The following PTPRT variants were observed in gnomAD, a reference collection of about 807,000 sequenced individuals.
PTPRT encodes the protein receptor-type tyrosine-protein phosphatase T.
In PTPRT, 56 loss-of-function variants were observed where a neutral mutation model predicts 176.8. The ratio of observed to expected loss-of-function variants is 0.32; its 90% CI spans 0.26 to 0.40. PTPRT has a LOEUF of 0.40. Among genes scored for constraint, PTPRT ranks in the 10% least tolerant of loss-of-function variants. The pLI is 1.00. For missense variants in PTPRT, 1,540 were observed against 1,908.2 expected, an observed-to-expected ratio of 0.81 and a Z score of 3.60; for synonymous variants, 783 against 739.0, an observed-to-expected ratio of 1.06 and a Z score of -0.96.
At chr20:42,700,952 G>C (rs2075965440) in intron 6 of PTPRT, among the ~76,000 whole-genome samples, 1 of 152,212 alleles carries the variant, frequency 6.6e-6, no homozygotes, top group Non-Finnish European at 1.5e-5. Flanking sequence ...GCCAGGCAGA[G>C]CCAGTGGGGG....
chr20:42,769,869 C>A (rs1409395446), intron 5 of PTPRT, among the ~76,000 whole-genome samples: 1 of 152,194 alleles, frequency 6.6e-6, no homozygotes, highest in East Asian at 1.9e-4. Context: ...AGGGTACATA[C>A]CGCATGCTTC....
chr20:42,287,197 A>C (rs957778832), intron 12 of PTPRT, among the ~76,000 whole-genome samples: 1 of 151,914 alleles, frequency 6.6e-6, no homozygotes, highest in Non-Finnish European at 1.5e-5. Context: ...AAAAACTATA[A>C]ATAGAACTAT....
chr20:42,880,586 T>C (rs1413665940), intron 2 of PTPRT, among the ~76,000 whole-genome samples: 1 of 152,126 alleles, frequency 6.6e-6, no homozygotes, highest in Admixed American at 6.5e-5. Flanking sequence ...TGGGCTGTAA[T>C]TCAGGGCTGT....
chr20:43,073,268 A>G (rs2011205137), intron 1 of PTPRT, among the ~76,000 whole-genome samples: 1 of 152,162 alleles, frequency 6.6e-6, no homozygotes, highest in African/African-American at 2.4e-5. Context: ...ATTGTAGATC[A>G]CATTCTGTGT....
intron 1 of PTPRT, among the ~76,000 whole-genome samples, chr20:43,129,046 G>A (rs2013553666): frequency 6.6e-6 from 1 of 152,176 alleles, no homozygotes; most frequent in Non-Finnish European, 1.5e-5. Context: ...TCCTGCATGA[G>A]GGTCCTGCTT....
intron 7 of PTPRT, among the ~76,000 whole-genome samples, chr20:42,572,624 C>A (rs1269756319): frequency 2.0e-5 from 3 of 152,230 alleles, no homozygotes; most frequent in Non-Finnish European, 2.9e-5. Flanking sequence ...AGGTCCACTT[C>A]TCATGCATTC....
At chr20:42,833,028 T>G (rs2078118977) in intron 2 of PTPRT, among the ~76,000 whole-genome samples, 1 of 151,772 alleles carries the variant, frequency 6.6e-6, no homozygotes, top group African/African-American at 2.4e-5. Context: ...AGGCAGAGGT[T>G]GCAGTCAGCC....
intron 1 of PTPRT, among the ~76,000 whole-genome samples, chr20:43,158,781 TAGA>T (rs893002603): frequency 2.0e-5 from 3 of 152,170 alleles, no homozygotes; most frequent in Admixed American, 6.5e-5. Context: ...TCAGAAAATC[TAGA>T]AGAAGAATCT....
At chr20:42,549,961 A>G (rs760239879) in intron 7 of PTPRT, among the ~76,000 whole-genome samples, 5 of 152,126 alleles carry the variant, frequency 3.3e-5, no homozygotes, top group Non-Finnish European at 7.4e-5. Flanking sequence ...CAAAGACCAG[A>G]CTGTTTGTTT....
At chr20:43,039,810 G>A (rs965329948) in intron 1 of PTPRT, among the ~76,000 whole-genome samples, 5 of 152,162 alleles carry the variant, frequency 3.3e-5, no homozygotes, top group Non-Finnish European at 5.9e-5. Flanking sequence ...GTAGGCTAAG[G>A]TGGGCAGATC....
intron 1 of PTPRT, chr20:42,971,458 T>C (rs1398969641): frequency 1.3e-5 from 2 of 152,178 alleles, no homozygotes; most frequent in East Asian, 3.8e-4. Flanking sequence ...AGCTTCCTAC[T>C]TTACTTGGAA....
chr20:42,454,278 T>C (rs1233311753), intron 8 of PTPRT, among the ~76,000 whole-genome samples: 1 of 152,192 alleles, frequency 6.6e-6, no homozygotes, highest in Admixed American at 6.5e-5. Flanking sequence ...AGGTAGGGTT[T>C]CTTACAATAT....
intron 6 of PTPRT, among the ~76,000 whole-genome samples, chr20:42,728,593 C>T (rs1219771849): frequency 6.6e-6 from 1 of 152,122 alleles, no homozygotes; most frequent in Non-Finnish European, 1.5e-5. Context: ...TACAGTATCT[C>T]ATTTAATCCT....
intron 3 of PTPRT, among the ~76,000 whole-genome samples, chr20:42,788,902 A>C (rs1242957231): frequency 6.6e-6 from 1 of 152,232 alleles, no homozygotes; most frequent in Non-Finnish European, 1.5e-5. Flanking sequence ...CAAGTGGTTA[A>C]GAATTATGAT....
intron 11 of PTPRT, among the ~76,000 whole-genome samples, chr20:42,317,386 G>A (rs1055650860): frequency 2.0e-5 from 3 of 152,090 alleles, no homozygotes; most frequent in African/African-American, 7.2e-5. Context: ...ACAGTTTATA[G>A]TTCTCTGGAA....
At chr20:42,142,093 G>A (rs1988657486) in intron 17 of PTPRT, 91 bp from the exon 18 acceptor site, 1 of 1,009,296 alleles carries the variant, frequency 9.9e-7, no homozygotes, top group Non-Finnish European at 1.6e-6. Context: ...AAGACCCACT[G>A]CGATGGGACT....
intron 8 of PTPRT, among the ~76,000 whole-genome samples, chr20:42,448,875 A>C (rs1275270823): frequency 7.0e-6 from 1 of 143,436 alleles, no homozygotes; most frequent in East Asian, 1.9e-4. Flanking sequence ...AAAAAATTAC[A>C]AAAAAAAAAT....
Position 42,255,023 on chromosome 20 carries a change from T to A in PTPRT, c.2177-6201A>T, listed in dbSNP as rs546891188. On this transcript the variant is annotated intron_variant, in intron 13 of 30. Coordinates refer to ENST00000373187, the MANE Select transcript of PTPRT (RefSeq NM_007050.6). ...CACCCCCTCACCCTGACCCTCCCCA[T>A]GTTACCCACAAAGGCAGGGGAATGT... Among the ~76,000 whole-genome samples the A allele has an allele frequency of 2.9e-4, 43 of 148,888 alleles. 1 individual carries two copies. In the South Asian group the frequency reaches 5.4e-3, roughly 19 times the overall value.
At chr20:43,166,712 A>G (rs1332620921) in intron 1 of PTPRT, among the ~76,000 whole-genome samples, 10 of 152,216 alleles carry the variant, frequency 6.6e-5, no homozygotes, top group Admixed American at 6.5e-4. Flanking sequence ...ATTCAATCAC[A>G]GCTGTACAGA....
Sources: gnomAD v4.1 joint callset for allele counts (sites outside exome capture counted in the v4.1 genomes callset) on GRCh38, gnomAD v4.1.1 for gene constraint, MANE v1.5 for transcripts, NCBI Gene and HGNC (gene_info 2026-07-23, HGNC 2026-07-21) for gene names.